The following SCHIP1 variants were observed in gnomAD, a reference collection of about 807,000 sequenced individuals.
SCHIP1 encodes the protein schwannomin interacting protein 1.
In SCHIP1, 8 loss-of-function variants were observed where a neutral mutation model predicts 29.7. The observed-to-expected ratio is 0.27, with a 90% CI of 0.16 to 0.49. The LOEUF is 0.49. Among genes scored for constraint, SCHIP1 ranks in the 20% least tolerant of loss-of-function variants. The pLI is 0.99. For synonymous variants in SCHIP1, 76 were observed against 94.9 expected (o/e 0.80, Z 1.16); for missense variants, 193 against 294.6 (o/e 0.66, Z 2.52).
chr3:159,288,234 T>C, the SCHIP1 span, among the ~76,000 whole-genome samples: 16 of 152,308 alleles, frequency 1.1e-4, no homozygotes, highest in African/African-American at 3.6e-4. Flanking sequence ...TCAGCTATAC[T>C]CCTACACATG....
At chr3:159,342,727 T>C in the SCHIP1 span, among the ~76,000 whole-genome samples, 4,005 of 152,288 alleles carry the variant, frequency 0.026, 171 homozygotes, top group African/African-American at 0.091. Context: ...GGCTATATTG[T>C]TTATTTTATT....
chr3:159,778,905 C>T, the SCHIP1 span, among the ~76,000 whole-genome samples: 1 of 152,138 alleles, frequency 6.6e-6, no homozygotes, highest in South Asian at 2.1e-4. Context: ...TTTGTGAGTT[C>T]TTAAGTGTAG....
the SCHIP1 span, among the ~76,000 whole-genome samples, chr3:159,675,473 C>T: frequency 6.6e-6 from 1 of 152,186 alleles, no homozygotes; most frequent in African/African-American, 2.4e-5. Flanking sequence ...TTTTCACACT[C>T]TAAAAATAGT....
At chr3:159,633,799 T>G in the SCHIP1 span, among the ~76,000 whole-genome samples, 2 of 151,332 alleles carry the variant, frequency 1.3e-5, no homozygotes, top group Non-Finnish European at 2.9e-5. Flanking sequence ...AAAAAAAGAG[T>G]TTCCACTAAA....
At chr3:159,739,266 G>C in the SCHIP1 span, among the ~76,000 whole-genome samples, 1 of 152,162 alleles carries the variant, frequency 6.6e-6, no homozygotes, top group African/African-American at 2.4e-5. Context: ...TTTATCCTAA[G>C]TACAGTGGGA....
chr3:159,872,925 A>G (rs1715427964), intron 2 of SCHIP1, among the ~76,000 whole-genome samples: 2 of 152,182 alleles, frequency 1.3e-5, no homozygotes, highest in African/African-American at 4.8e-5. Context: ...CTTACTTACA[A>G]AAGTACTTGA....
At chr3:159,764,570 C>G in the SCHIP1 span, 1 of 1,604,904 alleles carries the variant, frequency 6.2e-7, no homozygotes, top group East Asian at 2.3e-5. The surrounding 1 kb of genome is among the most constrained non-coding windows in gnomAD (Gnocchi z 6.1). Flanking sequence ...TCATCGTCGC[C>G]GGGGGGCAGC....
chr3:159,888,201 C>A, intron 4 of SCHIP1: 1 of 410,956 alleles, frequency 2.4e-6, no homozygotes, highest in Admixed American at 3.9e-5. Flanking sequence ...CGATCTCAAT[C>A]TAAGAACCTA....
chr3:159,300,433 G>A, the SCHIP1 span, among the ~76,000 whole-genome samples: 643 of 152,160 alleles, frequency 4.2e-3, 5 homozygotes, highest in African/African-American at 0.015. Flanking sequence ...CAAGGAGAAT[G>A]CCTGCTACGT....
the SCHIP1 span, among the ~76,000 whole-genome samples, chr3:159,591,930 TA>T: frequency 6.8e-5 from 8 of 117,716 alleles, no homozygotes; most frequent in Non-Finnish European, 1.3e-4. Flanking sequence ...GAACTTAAAA[TA>T]AAAAAAATTA....
At chr3:159,587,419 ACTG>A in the SCHIP1 span, among the ~76,000 whole-genome samples, 1 of 152,134 alleles carries the variant, frequency 6.6e-6, no homozygotes, top group Non-Finnish European at 1.5e-5. Flanking sequence ...AGAGGCAATC[ACTG>A]CTAACATTTT....
At chr3:159,491,352 T>C in the SCHIP1 span, among the ~76,000 whole-genome samples, 6 of 152,236 alleles carry the variant, frequency 3.9e-5, no homozygotes, top group African/African-American at 1.4e-4. Context: ...TTCCCTTTCC[T>C]AGTCACAGAA....
At chr3:159,801,191 T>C in the SCHIP1 span, among the ~76,000 whole-genome samples, 2 of 152,184 alleles carry the variant, frequency 1.3e-5, no homozygotes, top group Non-Finnish European at 2.9e-5. Flanking sequence ...CAAAAGTAAG[T>C]TTCTGTATAC....
At chr3:159,568,479 A>T in the SCHIP1 span, among the ~76,000 whole-genome samples, 1 of 152,130 alleles carries the variant, frequency 6.6e-6, no homozygotes, top group East Asian at 1.9e-4. Context: ...GAGAATTTTT[A>T]TCATGGATAC....
At chr3:159,488,402 T>C in the SCHIP1 span, among the ~76,000 whole-genome samples, 25 of 152,308 alleles carry the variant, frequency 1.6e-4, no homozygotes, top group Non-Finnish European at 3.5e-4. Flanking sequence ...CTGATGTGAT[T>C]GTTACACTTT....
chr3:159,321,111 C>T, the SCHIP1 span, among the ~76,000 whole-genome samples: 3 of 152,090 alleles, frequency 2.0e-5, no homozygotes, highest in African/African-American at 4.8e-5. Context: ...ATTATAGGCA[C>T]CTGCCACCAC....
chr3:159,550,687 T>G, the SCHIP1 span, among the ~76,000 whole-genome samples: 1 of 152,178 alleles, frequency 6.6e-6, no homozygotes, highest in African/African-American at 2.4e-5. Context: ...TATCTCATAA[T>G]TGATTGGCAT....
chr3:159,287,307 T>C, the SCHIP1 span, among the ~76,000 whole-genome samples: 2 of 151,164 alleles, frequency 1.3e-5, no homozygotes, highest in South Asian at 4.2e-4. Flanking sequence ...ATATTTATTT[T>C]TATTTTATTT....
the SCHIP1 span, among the ~76,000 whole-genome samples, chr3:159,460,289 G>C: frequency 1.3e-5 from 2 of 152,180 alleles, no homozygotes; most frequent in Admixed American, 1.3e-4. Context: ...ACACACCCCT[G>C]AGGGTGGGTG....
Sources: allele counts gnomAD v4.1 joint callset (sites outside exome capture counted in the v4.1 genomes callset), GRCh38; gene constraint gnomAD v4.1.1; non-coding constraint Gnocchi (gnomAD v3.1); transcripts MANE v1.5; gene names NCBI Gene and HGNC (gene_info 2026-07-23, HGNC 2026-07-21).